EFCAB6: variants seen among roughly 807,000 people sequenced by gnomAD.
The protein encoded by EFCAB6 is EF-hand calcium binding domain 6, also known as EF-hand calcium-binding domain-containing protein 6.
Under a neutral mutation model 169.8 loss-of-function variants are expected in EFCAB6, and 156 were observed. The observed-to-expected ratio is 0.92, with a 90% CI of 0.81 to 1.05. The LOEUF (loss-of-function observed/expected upper bound fraction) is 1.05, where lower values mean the gene tolerates loss of function less well. EFCAB6 is among the 50% of genes least tolerant of loss of function. The pLI is 0.00. For missense variants in EFCAB6, 1,800 were observed against 1,829.1 expected, an observed-to-expected ratio of 0.98 and a Z score of 0.29; for synonymous variants, 698 against 676.4, an observed-to-expected ratio of 1.03 and a Z score of -0.50.
At chr22:43,683,938 TCAC>T (rs2058095402) in intron 11 of EFCAB6, 83 bp from the exon 12 acceptor site, 1 of 1,016,304 alleles carries the variant, frequency 9.8e-7, no homozygotes, top group Non-Finnish European at 1.5e-6. Context: ...ACAAGCACCC[TCAC>T]CACAATACAG....
At chr22:43,542,060 A>G (rs1182817259) in intron 27 of EFCAB6, among the ~76,000 whole-genome samples, 1 of 152,262 alleles carries the variant, frequency 6.6e-6, no homozygotes, top group African/African-American at 2.4e-5. Context: ...GGAGAGGACG[A>G]GCCCCGTAGG....
intron 10 of EFCAB6, among the ~76,000 whole-genome samples, chr22:43,709,455 A>C (rs2059079229): frequency 6.6e-6 from 1 of 152,212 alleles, no homozygotes; most frequent in African/African-American, 2.4e-5. Context: ...GCTGAATGAC[A>C]TTGTATGCAT....
intron 9 of EFCAB6, among the ~76,000 whole-genome samples, chr22:43,715,481 C>T (rs981431129): frequency 7.2e-5 from 11 of 152,108 alleles, no homozygotes; most frequent in Admixed American, 5.9e-4. Context: ...AATATGATGG[C>T]GATGCTGACA....
At chr22:43,768,008 C>T (rs1161371182) in intron 4 of EFCAB6, among the ~76,000 whole-genome samples, 8 of 152,204 alleles carry the variant, frequency 5.3e-5, no homozygotes, top group Non-Finnish European at 1.2e-4. Flanking sequence ...GTTTTTAGAT[C>T]AGTATCCGTC....
chr22:43,637,930 A>G (rs947490415), intron 17 of EFCAB6, among the ~76,000 whole-genome samples: 1 of 152,230 alleles, frequency 6.6e-6, no homozygotes, highest in Non-Finnish European at 1.5e-5. Context: ...TCACAAAACC[A>G]TATGTACTGG....
At chr22:43,533,890 G>A (rs1416283938) in intron 30 of EFCAB6, among the ~76,000 whole-genome samples, 1 of 152,244 alleles carries the variant, frequency 6.6e-6, no homozygotes, top group Non-Finnish European at 1.5e-5. Flanking sequence ...GCTGGGCTGG[G>A]CTCTGGCCTC....
At chr22:43,739,747 A>G (rs2060297652) in intron 6 of EFCAB6, among the ~76,000 whole-genome samples, 1 of 151,694 alleles carries the variant, frequency 6.6e-6, no homozygotes, top group African/African-American at 2.4e-5. Flanking sequence ...CCCTCCCTCC[A>G]GACCATTTCC....
At chr22:43,753,183 C>T (rs1168489818) in intron 6 of EFCAB6, among the ~76,000 whole-genome samples, 1 of 152,184 alleles carries the variant, frequency 6.6e-6, no homozygotes, top group African/African-American at 2.4e-5. Context: ...ATCCCTCTGG[C>T]TCCTAGGACA....
chr22:43,714,824 A>T (rs2059277258), intron 9 of EFCAB6, among the ~76,000 whole-genome samples: 3 of 152,200 alleles, frequency 2.0e-5, no homozygotes, highest in Non-Finnish European at 4.4e-5. Flanking sequence ...AATCCAGCCA[A>T]CCAAAAAATA....
intron 27 of EFCAB6, chr22:43,540,564 G>A: frequency 6.6e-7 from 1 of 1,511,912 alleles, no homozygotes; most frequent in Non-Finnish European, 8.8e-7. Context: ...AAAGACAAGA[G>A]GATTATTCAT....
intron 17 of EFCAB6, among the ~76,000 whole-genome samples, chr22:43,656,312 C>T (rs983767010): frequency 1.4e-4 from 22 of 152,018 alleles, no homozygotes; most frequent in African/African-American, 4.1e-4. Context: ...ATCGCTTAAA[C>T]CCAGGAGGCG....
intron 22 of EFCAB6, among the ~76,000 whole-genome samples, chr22:43,607,096 C>T (rs978075113): frequency 2.6e-5 from 4 of 152,168 alleles, no homozygotes; most frequent in Non-Finnish European, 4.4e-5. Flanking sequence ...CCATTGTTCC[C>T]GACTGCCTGG....
intron 6 of EFCAB6, among the ~76,000 whole-genome samples, chr22:43,740,619 T>C (rs2060333683): frequency 6.6e-6 from 1 of 152,194 alleles, no homozygotes; most frequent in South Asian, 2.1e-4. Context: ...ACCAGCCTCC[T>C]GACTAGAGAA....
chr22:43,728,279 T>C (rs796540488), intron 8 of EFCAB6, among the ~76,000 whole-genome samples: 6 of 152,362 alleles, frequency 3.9e-5, no homozygotes, highest in African/African-American at 1.2e-4. Flanking sequence ...TCCTGGTGTA[T>C]ATCTGCCACA....
At chr22:43,594,515 CTT>C (rs1249296021) in intron 23 of EFCAB6, among the ~76,000 whole-genome samples, 1 of 152,052 alleles carries the variant, frequency 6.6e-6, no homozygotes, top group Non-Finnish European at 1.5e-5. Context: ...ATAAAATAGA[CTT>C]TAAGTCAAAA....
Position 43,735,959 on chromosome 22 carries a change from A to G in EFCAB6, c.542T>C (p.Phe181Ser), listed in dbSNP as rs761005495. 1.9e-6 allele frequency: 3 copies of G among 1,614,052 alleles called. No homozygotes were observed. In the Admixed American group the frequency reaches 5.0e-5, roughly 27 times the overall value. The change falls in exon 7 of 32, where the codon TTT (phenylalanine) becomes TCT (serine). Residue 181 changes from phenylalanine (F) to serine (S), a missense_variant. Physicochemically the swap from Phe to Ser is radical, Grantham distance 155. Coordinates refer to ENST00000262726, the MANE Select transcript of EFCAB6 (RefSeq NM_022785.4). ...AGTCTTGTTAACATCAATGAGCTCA[A>G]AGGCTTTCATAACAGTCTTAATGTT... ...FKNIKTVMKA[F>S]ELIDVNKTGL...
chr22:43,777,217 C>A (rs1249510377), intron 3 of EFCAB6, among the ~76,000 whole-genome samples: 1 of 152,146 alleles, frequency 6.6e-6, no homozygotes, highest in Non-Finnish European at 1.5e-5. Context: ...ACGGGGGAGT[C>A]GAGAGACCCG....
chr22:43,671,107 G>A (rs1479750168), intron 15 of EFCAB6, among the ~76,000 whole-genome samples: 1 of 152,258 alleles, frequency 6.6e-6, no homozygotes, highest in Non-Finnish European at 1.5e-5. Context: ...TGAGAGGCTG[G>A]TGGAGGGCCT....
At position 43,744,389 on chromosome 22, in the gene EFCAB6, C is replaced by T. The variant is rs939591234; in HGVS notation, c.508-8396G>A. On this transcript the variant is annotated intron_variant, in intron 6 of 31. Transcript: ENST00000262726. The surrounding 1 kb of genome is among the most constrained non-coding windows in gnomAD (Gnocchi z 4.3). ...AGTGGATTCAGTGATCTGCTCTGCA[C>T]CTACCTGGGAAGAGGAACTGAGACT... 3.9e-5 allele frequency among the ~76,000 whole-genome samples: 6 copies of T among 152,132 alleles called. No individual in the cohort carries two copies. The highest frequency in any genetic ancestry group is 7.4e-5 in the Non-Finnish European group (5 of 68,024).
Sources: gnomAD v4.1 joint callset for allele counts (sites outside exome capture counted in the v4.1 genomes callset) on GRCh38, gnomAD v4.1.1 for gene constraint, Gnocchi (gnomAD v3.1) non-coding constraint, MANE v1.5 for transcripts, NCBI Gene and HGNC (gene_info 2026-07-23, HGNC 2026-07-21) for gene names.